The following XPO1 variants were observed in gnomAD, a reference collection of about 807,000 sequenced individuals.
XPO1 encodes exportin 1.
A neutral mutation model predicts 133.3 loss-of-function variants in XPO1; 5 were observed. The observed-to-expected ratio is 0.04, with a 90% confidence interval of 0.02 to 0.08. XPO1 has a LOEUF of 0.08. Ranked by LOEUF, XPO1 falls within the 10% of genes least tolerant of loss-of-function variation. XPO1 has a pLI of 1.00. For synonymous variants in XPO1, 419 were observed against 408.2 expected, an observed-to-expected ratio of 1.03 and a Z score of -0.32; for missense variants, 506 against 1,267.5, an observed-to-expected ratio of 0.40 and a Z score of 9.12.
At chr2:61,502,588 A>G (rs2104535193) in intron 4 of XPO1, 2 of 259,404 alleles carry the variant, frequency 7.7e-6, no homozygotes, top group South Asian at 1.0e-4. Flanking sequence ...CCCTGTCTCT[A>G]CTAAAAATAC....
At chr2:61,525,462 G>C (rs1379108052) in intron 3 of XPO1, 18 of 1,005,768 alleles carry the variant, frequency 1.8e-5, no homozygotes, top group Non-Finnish European at 1.2e-6. Context: ...CAAATCATTT[G>C]TAATTTATGT....
At chr2:61,509,512 A>G (rs1697985640) in intron 4 of XPO1, among the ~76,000 whole-genome samples, 1 of 151,992 alleles carries the variant, frequency 6.6e-6, no homozygotes, top group Non-Finnish European at 1.5e-5. Flanking sequence ...TGTAATCCCA[A>G]CTACACAGGA....
intron 11 of XPO1, 153 bp from the exon 12 acceptor site, chr2:61,494,244 G>T (rs963020998): frequency 1.5e-6 from 1 of 661,420 alleles, no homozygotes; most frequent in African/African-American, 1.8e-5. Flanking sequence ...GCAAACTCTG[G>T]AGTAACTCTG....
intron 24 of XPO1, among the ~76,000 whole-genome samples, 193 bp from the exon 25 acceptor site, chr2:61,479,159 G>A (rs746574989): frequency 3.3e-4 from 50 of 152,148 alleles, no homozygotes; most frequent in Admixed American, 5.9e-4. Flanking sequence ...TAACTGGTGG[G>A]GGGGAAGATT....
intron 1 of XPO1, 129 bp from the exon 2 acceptor site, chr2:61,534,032 C>CA (rs1699265548): frequency 2.2e-6 from 2 of 928,326 alleles, no homozygotes; most frequent in Non-Finnish European, 2.9e-6. Context: ...ACTTTAATTA[C>CA]AGAAAACTGA....
rs771178141 is a variant in XPO1 at position 61,483,892 on chromosome 2, T to G, written c.2677+45A>C. The G allele has an allele frequency of 3.8e-6, 6 of 1,586,554 alleles. No individual in the cohort carries two copies. In the Admixed American group the frequency reaches 8.6e-5, roughly 23 times the overall value. On this transcript the variant is annotated intron_variant, in intron 21 of 24. Coordinates refer to ENST00000401558, the MANE Select transcript of XPO1 (RefSeq NM_003400.4). The stretch of plus-strand genomic sequence containing the variant: ...TATGTACAATTAACTATATTTGTAT[T>G]TTTGGATTGGCAGGCAAATGAATAA...
intron 4 of XPO1, among the ~76,000 whole-genome samples, chr2:61,509,661 G>A (rs1021546373): frequency 3.9e-5 from 6 of 152,038 alleles, no homozygotes; most frequent in Admixed American, 1.3e-4. Context: ...TGCTCATTGG[G>A]CTATTTCAGT....
At chr2:61,481,548 G>A (rs963860408) in intron 23 of XPO1, among the ~76,000 whole-genome samples, 3 of 152,024 alleles carry the variant, frequency 2.0e-5, no homozygotes, top group Admixed American at 2.0e-4. Flanking sequence ...AACCTCTGAA[G>A]CTATTCTCCT....
chr2:61,517,291 A>G (rs1698440614), intron 4 of XPO1, among the ~76,000 whole-genome samples: 1 of 152,210 alleles, frequency 6.6e-6, no homozygotes, highest in Non-Finnish European at 1.5e-5. Flanking sequence ...AGGACCTTTA[A>G]GACTTCAGTG....
intron 24 of XPO1, among the ~76,000 whole-genome samples, chr2:61,480,742 C>T (rs556517369): frequency 6.6e-6 from 1 of 152,024 alleles, no homozygotes; most frequent in African/African-American, 2.4e-5. Flanking sequence ...CACAGTACTT[C>T]CAAATTTCTT....
rs1699436610 is a variant in XPO1 at position 61,538,078 on chromosome 2, C to G, written c.-523G>C. ...CCAAGGCTCGCCTAAACTTTCCCCC[C>G]TTCTCTTGTTCCTCAGCGACTGGTG... On this transcript the variant is annotated 5_prime_UTR_variant, in exon 1 of 25. Coordinates refer to ENST00000401558, the MANE Select transcript of XPO1 (RefSeq NM_003400.4). 1.4e-5 allele frequency: 2 copies of G among 144,746 alleles called. No homozygotes were observed. Among genetic ancestry groups the G allele is most frequent in the Admixed American group, 7.4e-5 (1 of 13,440 alleles). The allele number at this position is 144,746 out of a possible 1,614,324, so 9.0% of individuals were successfully genotyped here.
intron 2 of XPO1, among the ~76,000 whole-genome samples, chr2:61,531,747 G>A (rs1361567175): frequency 2.0e-5 from 3 of 152,182 alleles, no homozygotes; most frequent in African/African-American, 4.8e-5. Context: ...ATCCATGCTA[G>A]AAGAAATGAA....
At position 61,478,694 on chromosome 2, in the gene XPO1, TAAG is replaced by T; in HGVS notation, c.*123_*125del. On this transcript the variant is annotated 3_prime_UTR_variant, in exon 25 of 25. Transcript: ENST00000401558. ...AAAATTTCTTATACAAAAAAACACA[TAAG>T]AAAAAGGGCCACTAGGTGACATTTT... 2.2e-6 allele frequency: 2 copies of T among 929,710 alleles called. No individual in the cohort carries two copies. Among genetic ancestry groups the T allele is most frequent in the South Asian group, 4.5e-5 (2 of 44,258 alleles). 57.6% of individuals were successfully genotyped at this position (929,710 alleles called of 1,614,324 possible).
At position 61,478,053 on chromosome 2, in the gene XPO1, AGTT is replaced by A. The variant is rs1696146247; in HGVS notation, c.*764_*766del. The A allele has an allele frequency of 4.7e-6, 1 of 212,996 alleles. No homozygotes were observed. Among genetic ancestry groups the A allele is most frequent in the African/African-American group, 2.3e-5 (1 of 44,238 alleles). 13.2% of individuals were successfully genotyped at this position (212,996 alleles called of 1,614,324 possible). A position where few individuals can be genotyped will look rare whatever the true frequency, so the allele number is the denominator to read the frequency against. The stretch of plus-strand genomic sequence containing the variant: ...GCCAGAGTTGTTTTGTTTTTTAATG[AGTT>A]GTTAAAAAGATGCAGCCTATTCTAA... On this transcript the variant is annotated 3_prime_UTR_variant, in exon 25 of 25. Coordinates refer to ENST00000401558, the MANE Select transcript of XPO1 (RefSeq NM_003400.4).
intron 3 of XPO1, chr2:61,525,709 G>A (rs1389605949): frequency 9.7e-7 from 1 of 1,026,914 alleles, no homozygotes; most frequent in Non-Finnish European, 1.2e-6. Flanking sequence ...AAATTTACAA[G>A]ATGTCAAAAC....
intron 4 of XPO1, among the ~76,000 whole-genome samples, chr2:61,510,895 G>A (rs1447127713): frequency 9.0e-5 from 13 of 144,388 alleles, no homozygotes; most frequent in African/African-American, 2.9e-4. Context: ...CCATGATCCC[G>A]CCACTGCACT....
At chr2:61,505,965 C>G (rs1172369731) in intron 4 of XPO1, among the ~76,000 whole-genome samples, 1 of 152,198 alleles carries the variant, frequency 6.6e-6, no homozygotes, top group African/African-American at 2.4e-5. Flanking sequence ...TTGTTCCTTA[C>G]AGATTATTAT....
intron 19 of XPO1, 146 bp downstream of exon 19, chr2:61,488,019 G>A (rs975132357): frequency 1.2e-4 from 77 of 662,028 alleles, no homozygotes; most frequent in Non-Finnish European, 1.8e-4. Context: ...GTATATTAAC[G>A]TAAGGACTAC....
At chr2:61,502,574 G>GA (rs1299933781) in intron 4 of XPO1, 9 of 304,798 alleles carry the variant, frequency 3.0e-5, no homozygotes, top group Non-Finnish European at 5.6e-5. Flanking sequence ...CCAACATGGT[G>GA]AAACCCTGTC....
Sources: allele counts gnomAD v4.1 joint callset (sites outside exome capture counted in the v4.1 genomes callset), GRCh38; gene constraint gnomAD v4.1.1; transcripts MANE v1.5; gene names NCBI Gene and HGNC (gene_info 2026-07-23, HGNC 2026-07-21).